Variants in CDH13 observed in about 807,000 individuals in gnomAD.
CDH13 encodes cadherin-13.
Under a neutral mutation model 63.8 loss-of-function variants are expected in CDH13, and 24 were observed. The observed-to-expected ratio is 0.38, with a 90% CI of 0.27 to 0.53. The LOEUF (loss-of-function observed/expected upper bound fraction) is 0.53. Ranked by LOEUF, CDH13 falls within the 20% of genes least tolerant of loss-of-function variation. The pLI, the probability that CDH13 is intolerant of heterozygous loss-of-function variation, is 0.85. For synonymous variants in CDH13, 503 were observed against 355.3 expected (o/e 1.42, Z -4.67); for missense variants, 1,049 against 903.1 (o/e 1.16, Z -2.07).
At chr16:83,117,454 C>G (rs562374070) in intron 3 of CDH13, among the ~76,000 whole-genome samples, 2 of 152,232 alleles carry the variant, frequency 1.3e-5, no homozygotes, top group African/African-American at 4.8e-5. Context: ...CATCAGCACC[C>G]TCTCCCCCTG....
intron 1 of CDH13, among the ~76,000 whole-genome samples, chr16:82,850,647 A>G (rs913854909): frequency 6.6e-6 from 1 of 152,200 alleles, no homozygotes; most frequent in African/African-American, 2.4e-5. Context: ...ATCACATGCT[A>G]TAGAGAAATC....
intron 6 of CDH13, among the ~76,000 whole-genome samples, chr16:83,414,111 A>G (rs576071877): frequency 6.6e-6 from 1 of 152,346 alleles, no homozygotes; most frequent in South Asian, 2.1e-4. Context: ...CTATAGTTTT[A>G]TAGAAGTACT....
chr16:83,566,886 A>G (rs1225903614), intron 7 of CDH13, among the ~76,000 whole-genome samples: 2 of 152,182 alleles, frequency 1.3e-5, no homozygotes, highest in Non-Finnish European at 2.9e-5. Context: ...AAGAGGAAAA[A>G]AAAGAAGAAA....
chr16:83,335,455 G>A (rs749808970), intron 5 of CDH13, among the ~76,000 whole-genome samples: 1 of 152,120 alleles, frequency 6.6e-6, no homozygotes, highest in East Asian at 1.9e-4. Flanking sequence ...AGAGATGGCA[G>A]TGTTAAGACT....
At chr16:83,552,409 G>C (rs1416537256) in intron 7 of CDH13, among the ~76,000 whole-genome samples, 1 of 152,162 alleles carries the variant, frequency 6.6e-6, no homozygotes, top group East Asian at 1.9e-4. Context: ...TCCAGTGGAG[G>C]ATGCACCAAT....
intron 7 of CDH13, among the ~76,000 whole-genome samples, chr16:83,600,472 G>A (rs9936055): frequency 0.3 from 45,708 of 152,056 alleles, 9,269 homozygotes; most frequent in African/African-American, 0.57. Context: ...CAGACAGCCA[G>A]TTGCACTTCA....
intron 2 of CDH13, among the ~76,000 whole-genome samples, chr16:82,937,922 G>A (rs912281128): frequency 6.6e-6 from 1 of 152,146 alleles, no homozygotes; most frequent in Non-Finnish European, 1.5e-5. Flanking sequence ...AATATAAAAG[G>A]ACAGTAATTG....
chr16:83,208,634 A>T (rs2039248651), intron 4 of CDH13, among the ~76,000 whole-genome samples: 1 of 152,228 alleles, frequency 6.6e-6, no homozygotes, highest in Admixed American at 6.5e-5. Context: ...TGAAGGAAAA[A>T]GTATTACACC....
At chr16:83,314,132 G>A (rs1367239712) in intron 5 of CDH13, among the ~76,000 whole-genome samples, 1 of 152,146 alleles carries the variant, frequency 6.6e-6, no homozygotes, top group Non-Finnish European at 1.5e-5. Flanking sequence ...CCACTGTAAT[G>A]AGCTATGCAT....
At chr16:82,965,103 C>G (rs1907615719) in intron 2 of CDH13, among the ~76,000 whole-genome samples, 1 of 152,208 alleles carries the variant, frequency 6.6e-6, no homozygotes, top group African/African-American at 2.4e-5. Flanking sequence ...TAAAACTGAT[C>G]CACTCTCTAA....
intron 2 of CDH13, among the ~76,000 whole-genome samples, chr16:82,900,578 T>TA (rs1374109270): frequency 6.6e-6 from 1 of 152,238 alleles, no homozygotes; most frequent in Non-Finnish European, 1.5e-5. Flanking sequence ...AAATAAGCCT[T>TA]AAACATGTTT....
intron 4 of CDH13, among the ~76,000 whole-genome samples, chr16:83,194,981 G>C (rs1214169586): frequency 6.6e-6 from 1 of 151,996 alleles, no homozygotes. Flanking sequence ...TTTTCATATA[G>C]GTAAAAAAAG....
At chr16:83,524,927 G>A (rs149351753) in intron 7 of CDH13, among the ~76,000 whole-genome samples, 12 of 152,150 alleles carry the variant, frequency 7.9e-5, no homozygotes, top group South Asian at 2.1e-4. Context: ...TCCTGAATGC[G>A]CATGAGATGG....
intron 2 of CDH13, among the ~76,000 whole-genome samples, chr16:82,910,436 C>G (rs2041794266): frequency 6.6e-6 from 1 of 152,206 alleles, no homozygotes; most frequent in Non-Finnish European, 1.5e-5. Context: ...CTAGGCTCCT[C>G]TGCATCTGTT....
chr16:83,518,917 C>G (rs1369834746), intron 7 of CDH13, among the ~76,000 whole-genome samples: 1 of 152,180 alleles, frequency 6.6e-6, no homozygotes, highest in African/African-American at 2.4e-5. Flanking sequence ...GTCAATTAAA[C>G]TTCTTTTCTT....
chr16:83,389,587 T>C (rs2091744685), intron 6 of CDH13, among the ~76,000 whole-genome samples: 1 of 152,250 alleles, frequency 6.6e-6, no homozygotes, highest in South Asian at 2.1e-4. Flanking sequence ...ATTGATGGAC[T>C]GGACCATTTA....
intron 4 of CDH13, among the ~76,000 whole-genome samples, chr16:83,146,968 A>G (rs1339424201): frequency 6.6e-6 from 1 of 152,072 alleles, no homozygotes; most frequent in Non-Finnish European, 1.5e-5. Flanking sequence ...CACACTTGTA[A>G]TCTCAGCTAC....
At chr16:83,544,646 T>G (rs2075352948) in intron 7 of CDH13, among the ~76,000 whole-genome samples, 1 of 152,196 alleles carries the variant, frequency 6.6e-6, no homozygotes, top group Admixed American at 6.5e-5. Context: ...ATTCAAAATT[T>G]GAAATACAGT....
At chr16:82,785,775 A>C (rs2035972775) in intron 1 of CDH13, among the ~76,000 whole-genome samples, 1 of 152,218 alleles carries the variant, frequency 6.6e-6, no homozygotes, top group African/African-American at 2.4e-5. Context: ...GTTATATATA[A>C]AGTCGCGGTA....
Sources: gnomAD v4.1 joint callset for allele counts (sites outside exome capture counted in the v4.1 genomes callset) on GRCh38, gnomAD v4.1.1 for gene constraint, MANE v1.5 for transcripts, NCBI Gene and HGNC (gene_info 2026-07-23, HGNC 2026-07-21) for gene names.